RELN: variants seen among roughly 807,000 people sequenced by gnomAD.
RELN encodes reelin.
In RELN, 108 loss-of-function variants were observed where a neutral mutation model predicts 427.6. The ratio of observed to expected loss-of-function variants is 0.25; its 90% CI spans 0.22 to 0.30. The LOEUF is 0.30. Among genes scored for constraint, RELN ranks in the 10% least tolerant of loss-of-function variants. RELN has a pLI of 1.00. For synonymous variants in RELN, 1,524 were observed against 1,513.4 expected (o/e 1.01, Z -0.16); for missense variants, 3,715 against 4,302.8 (o/e 0.86, Z 3.82).
chr7:103,668,543 T>G (rs1264403740), intron 11 of RELN, among the ~76,000 whole-genome samples: 2 of 152,158 alleles, frequency 1.3e-5, no homozygotes, highest in Non-Finnish European at 2.9e-5. Context: ...CTTACAGTTG[T>G]AAAAAGGATA....
intron 3 of RELN, among the ~76,000 whole-genome samples, chr7:103,798,457 C>A (rs1216172049): frequency 1.3e-5 from 2 of 152,166 alleles, no homozygotes; most frequent in Non-Finnish European, 2.9e-5. Context: ...ATCTGCCTGG[C>A]AGGTAATCAT....
chr7:103,814,431 C>T (rs756208609), intron 3 of RELN, among the ~76,000 whole-genome samples: 3 of 152,074 alleles, frequency 2.0e-5, no homozygotes, highest in Non-Finnish European at 4.4e-5. Flanking sequence ...TTAACAAATG[C>T]CTTTATTGGA....
intron 2 of RELN, among the ~76,000 whole-genome samples, chr7:103,868,042 A>G (rs2237639): frequency 0.14 from 21,813 of 151,984 alleles, 1,872 homozygotes; most frequent in East Asian, 0.34. Flanking sequence ...TTAAGAAGAA[A>G]TTTGGCCCTT....
At chr7:103,814,116 T>C (rs1158819857) in intron 3 of RELN, among the ~76,000 whole-genome samples, 2 of 152,166 alleles carry the variant, frequency 1.3e-5, no homozygotes, top group African/African-American at 4.8e-5. Context: ...CCTGCACTTA[T>C]TACTCTATGA....
chr7:103,899,360 G>A (rs1433919670), intron 2 of RELN, among the ~76,000 whole-genome samples: 2 of 151,998 alleles, frequency 1.3e-5, no homozygotes, highest in Admixed American at 6.6e-5. Flanking sequence ...TTCAACCAGA[G>A]GTACAACGAG....
rs774918127 is a variant in RELN at position 103,882,808 on chromosome 7, C to CA, written c.337+34266dup. Among the ~76,000 whole-genome samples the CA allele has an allele frequency of 6.7e-4, 102 of 152,046 alleles. 1 individual carries two copies. Among genetic ancestry groups the CA allele is most frequent in the Non-Finnish European group, 1.2e-3 (81 of 67,964 alleles). On this transcript the variant is annotated intron_variant, in intron 2 of 64. Transcript: ENST00000428762. ...ATTGAGGCAGTAATAGCCTACCAGC[C>CA]AAAAAAAGCCCAGGAGCAGACGGAT...
intron 38 of RELN, among the ~76,000 whole-genome samples, chr7:103,555,073 T>C (rs527250001): frequency 2.6e-5 from 4 of 152,322 alleles, no homozygotes; most frequent in South Asian, 2.1e-4. Flanking sequence ...TGGGAATATA[T>C]AGGAAACTAG....
intron 11 of RELN, among the ~76,000 whole-genome samples, chr7:103,669,006 T>C (rs1232792160): frequency 6.6e-6 from 1 of 152,324 alleles, no homozygotes; most frequent in South Asian, 2.1e-4. Context: ...TTATTTGTCG[T>C]AAATGAAAAA....
At chr7:103,686,115 A>C (rs1833759581) in intron 10 of RELN, among the ~76,000 whole-genome samples, 1 of 152,122 alleles carries the variant, frequency 6.6e-6, no homozygotes, top group Admixed American at 6.6e-5. Context: ...CTTACCATTT[A>C]TTCTTTGACG....
chr7:103,879,723 G>T (rs970491301), intron 2 of RELN, among the ~76,000 whole-genome samples: 1 of 152,012 alleles, frequency 6.6e-6, no homozygotes, highest in African/African-American at 2.4e-5. Context: ...GGAGTGGGTG[G>T]GATAACTCAG....
chr7:103,770,472 C>A (rs1180878055), intron 4 of RELN, among the ~76,000 whole-genome samples: 1 of 152,188 alleles, frequency 6.6e-6, no homozygotes, highest in Non-Finnish European at 1.5e-5. Flanking sequence ...TTCTCCCACA[C>A]TGCAACAAGC....
At chr7:103,856,569 C>CAAAAAAAAAAAA (rs34695080) in intron 2 of RELN, among the ~76,000 whole-genome samples, 4 of 80,346 alleles carry the variant, frequency 5.0e-5, no homozygotes, top group South Asian at 4.1e-4. Flanking sequence ...AACTCCACCT[C>CAAAAAAAAAAAA]AAAAAAAAAA....
chr7:103,936,743 G>GACACACAC (rs57505374), intron 1 of RELN, among the ~76,000 whole-genome samples: 15 of 139,764 alleles, frequency 1.1e-4, no homozygotes, highest in Non-Finnish European at 2.4e-4. Context: ...CAGACAGACA[G>GACACACAC]ACACACACAC....
chr7:103,782,590 T>C (rs140216294), intron 3 of RELN, among the ~76,000 whole-genome samples: 4 of 152,320 alleles, frequency 2.6e-5, no homozygotes, highest in Admixed American at 2.6e-4. Flanking sequence ...GCATTGGTCA[T>C]AATGATTTGA....
chr7:103,983,690 C>G (rs148323100), intron 1 of RELN, among the ~76,000 whole-genome samples: 4 of 152,210 alleles, frequency 2.6e-5, no homozygotes, highest in Non-Finnish European at 5.9e-5. Context: ...TTAGATAAGT[C>G]AATTTGCCTT....
chr7:103,517,774 G>T (rs1421015331), intron 49 of RELN, among the ~76,000 whole-genome samples: 1 of 152,178 alleles, frequency 6.6e-6, no homozygotes, highest in Non-Finnish European at 1.5e-5. Flanking sequence ...AAAACTGCTG[G>T]TATTTCCTCA....
chr7:103,817,937 C>CAAAAAA (rs71154371), intron 3 of RELN, among the ~76,000 whole-genome samples: 191 of 35,890 alleles, frequency 5.3e-3, no homozygotes, highest in Middle Eastern at 0.029. Context: ...GACTCCATCT[C>CAAAAAA]AAAAAAAAAA....
chr7:103,749,518 G>C lies in RELN; in HGVS notation c.578-14C>G, dbSNP rs745720092. The stretch of plus-strand genomic sequence containing the variant: ...TATGTATTTCAGCTAAAAGAAAAAG[G>C]AAGTATTTAGGAAAGAAATATACTA... On this transcript the variant is annotated splice_polypyrimidine_tract_variant and intron_variant, in intron 5 of 64. Coordinates refer to ENST00000428762, the MANE Select transcript of RELN (RefSeq NM_005045.4). 20 of 1,582,686 alleles carry C rather than the reference G, an allele frequency of 1.3e-5. No homozygotes were observed. In the South Asian group the frequency reaches 1.7e-4, roughly 13 times the overall value.
At position 103,626,933 on chromosome 7, in the gene RELN, A is replaced by T. The variant is rs1312410352; in HGVS notation, c.2702+3007T>A. Among the ~76,000 whole-genome samples the T allele has an allele frequency of 6.6e-6, 1 of 152,220 alleles. No homozygotes were observed. Among genetic ancestry groups the T allele is most frequent in the East Asian group, 1.9e-4 (1 of 5,186 alleles). Reference sequence around the variant, plus strand: ...GTATTCAAAGAATTCAAAGCAATTCATTTCTCCACTGGAAAAAAGTGCTCT... The same window carrying T: ...GTATTCAAAGAATTCAAAGCAATTCTTTTCTCCACTGGAAAAAAGTGCTCT... On this transcript the variant is annotated intron_variant, in intron 20 of 64. Transcript: ENST00000428762. The surrounding 1 kb of genome is among the most constrained non-coding windows in gnomAD (Gnocchi z 4.4).
Sources: allele counts gnomAD v4.1 joint callset (sites outside exome capture counted in the v4.1 genomes callset), GRCh38; gene constraint gnomAD v4.1.1; non-coding constraint Gnocchi (gnomAD v3.1); transcripts MANE v1.5; gene names NCBI Gene and HGNC (gene_info 2026-07-23, HGNC 2026-07-21).